The following AK9 variants were observed in gnomAD, a reference collection of about 807,000 sequenced individuals.
AK9 encodes adenylate kinase 9.
In AK9, 191 loss-of-function variants were observed where a neutral mutation model predicts 239.6. The ratio of observed to expected loss-of-function variants is 0.80; its 90% CI spans 0.71 to 0.90. The LOEUF (loss-of-function observed/expected upper bound fraction) is 0.90. AK9 is among the 40% of genes least tolerant of loss of function. The pLI is 0.00. For synonymous variants in AK9, 689 were observed against 721.0 expected (o/e 0.96, Z 0.71); for missense variants, 1,995 against 2,214.7 (o/e 0.90, Z 1.99).
chr6:109,586,067 C>T lies in AK9; in HGVS notation c.1848G>A (p.Met616Ile). 4 of 1,549,634 alleles carry T rather than the reference C, an allele frequency of 2.6e-6. No individual in the cohort carries two copies. In the South Asian group the frequency reaches 3.6e-5, roughly 14 times the overall value. Reference sequence around the variant, plus strand: ...CAGGAAACCTATCCTTGTTTTCTTCCATTACCTGTGAAAAATTGTACACTG... The same window carrying T: ...CAGGAAACCTATCCTTGTTTTCTTCTATTACCTGTGAAAAATTGTACACTG... ...EILQEVLGEV[M>I]EENKDRFPGA... is the part of the protein sequence containing the mutation. The change falls in exon 18 of 41, where the codon ATG becomes ATA. Residue 616 changes from methionine to isoleucine, a missense_variant. Transcript: ENST00000424296.
chr6:109,506,476 C>A lies in AK9; in HGVS notation c.4700G>T (p.Gly1567Val), dbSNP rs1778131878. 4.3e-6 allele frequency: 7 copies of A among 1,613,486 alleles called. No individual in the cohort carries two copies. The highest frequency in any genetic ancestry group is 1.1e-5 in the South Asian group (1 of 91,046). ...VNNVKYRKNI[G>V]EIRQYYQEQH... ...TTCTTGATAATATTGCCTAATCTCACCAATATTTTTGCGATACTTTACATT... is the reference window on the plus strand; with the variant it reads ...TTCTTGATAATATTGCCTAATCTCAACAATATTTTTGCGATACTTTACATT... Residue 1567 changes from glycine to valine, a missense_variant, in exon 35 of 41, where the codon GGT (glycine) becomes GTT (valine). Transcript: ENST00000424296.
At position 109,633,256 on chromosome 6, in the gene AK9, T is replaced by G. The variant is rs1449182187; in HGVS notation, c.1001A>C (p.Lys334Thr). The change falls in exon 11 of 41, where the codon AAA (lysine) becomes ACA (threonine). Residue 334 changes from lysine to threonine, a missense_variant. Lys to Thr is a moderately conservative substitution (Grantham distance 78). This residue lies in a region of AK9 where 1,290 missense variants were observed against 1,392.7 expected (regional missense o/e 0.93). Coordinates refer to ENST00000424296, the MANE Select transcript of AK9 (RefSeq NM_001145128.3). ...ATTCACAGGACATGTACGTCCCCAT[T>G]TACTTCTTTGCCATCTGTATCTTGG... ...IAPRYRWQRS[K>T]WGRTCPVNLK... 2 of 1,610,320 alleles carry G rather than the reference T, an allele frequency of 1.2e-6. No homozygotes were observed. Among genetic ancestry groups the G allele is most frequent in the Non-Finnish European group, 1.7e-6 (2 of 1,179,358 alleles).
intron 12 of AK9, among the ~76,000 whole-genome samples, chr6:109,620,965 C>G (rs547503100): frequency 6.6e-6 from 1 of 151,872 alleles, no homozygotes; most frequent in Non-Finnish European, 1.5e-5. Context: ...CATGCATATC[C>G]TTTGAACTGT....
intron 19 of AK9, 37 bp from the exon 20 acceptor site, chr6:109,579,663 A>G: frequency 6.6e-7 from 1 of 1,510,622 alleles, no homozygotes; most frequent in Non-Finnish European, 9.0e-7. Context: ...TATCTTTGGA[A>G]ATTCAGACTT....
At chr6:109,581,097 T>TA (rs1337948413) in intron 19 of AK9, among the ~76,000 whole-genome samples, 1 of 152,092 alleles carries the variant, frequency 6.6e-6, no homozygotes, top group Non-Finnish European at 1.5e-5. Flanking sequence ...ACTTAATTGA[T>TA]AGATGCTGTG....
intron 35 of AK9, among the ~76,000 whole-genome samples, chr6:109,505,687 A>AT (rs2128104235): frequency 6.6e-6 from 1 of 152,314 alleles, no homozygotes; most frequent in African/African-American, 2.4e-5. Context: ...TCCAAACACT[A>AT]TATACCCTTT....
intron 27 of AK9, among the ~76,000 whole-genome samples, chr6:109,540,909 C>T (rs889498677): frequency 1.3e-5 from 2 of 152,130 alleles, no homozygotes; most frequent in African/African-American, 4.8e-5. Flanking sequence ...TCTGAATGCC[C>T]TTCTGGAATT....
chr6:109,532,280 T>A, intron 28 of AK9, among the ~76,000 whole-genome samples: 1 of 152,216 alleles, frequency 6.6e-6, no homozygotes, highest in Non-Finnish European at 1.5e-5. Flanking sequence ...TGAAATATAC[T>A]TTCCCTGTAC....
At chr6:109,574,692 C>T (rs1787840775) in intron 20 of AK9, among the ~76,000 whole-genome samples, 1 of 151,762 alleles carries the variant, frequency 6.6e-6, no homozygotes, top group Admixed American at 6.6e-5. Flanking sequence ...TTTTTTTTAA[C>T]ATCTGTCTTA....
intron 5 of AK9, among the ~76,000 whole-genome samples, chr6:109,664,879 A>G (rs12207793): frequency 0.58 from 88,361 of 151,696 alleles, 27,405 homozygotes; most frequent in East Asian, 0.84. Context: ...CTAAAAAAAA[A>G]AAATACAAAA....
Position 109,691,140 on chromosome 6 carries a change from TC to T in AK9, c.-12+6del. ...TTTCTCCGCCCATGTTTTCCTCCAA[TC>T]CTTACCAAAGATGGTGCCCTTCGCT... On this transcript the variant is annotated splice_donor_region_variant and intron_variant, in intron 1 of 40. Coordinates refer to ENST00000424296, the MANE Select transcript of AK9 (RefSeq NM_001145128.3). 1 of 554,158 alleles carries T rather than the reference TC, an allele frequency of 1.8e-6. No homozygotes were observed. The highest frequency in any genetic ancestry group is 2.2e-5 in the South Asian group (1 of 45,572). The allele number at this position is 554,158 out of a possible 1,614,324, so 34.3% of individuals were successfully genotyped here. A position where few individuals can be genotyped will look rare whatever the true frequency, so the allele number is the denominator to read the frequency against.
chr6:109,515,095 T>C (rs1779141590), intron 31 of AK9, among the ~76,000 whole-genome samples: 2 of 152,220 alleles, frequency 1.3e-5, no homozygotes, highest in South Asian at 4.1e-4. Flanking sequence ...ACCTTGATCT[T>C]GAACTTTTAG....
chr6:109,597,117 T>C (rs1052684901), intron 17 of AK9, among the ~76,000 whole-genome samples: 1 of 152,172 alleles, frequency 6.6e-6, no homozygotes, highest in Admixed American at 6.5e-5. Context: ...CCAAATATTA[T>C]ATATTTCTTC....
intron 28 of AK9, among the ~76,000 whole-genome samples, chr6:109,533,022 C>T (rs1170700751): frequency 6.6e-6 from 1 of 152,252 alleles, no homozygotes; most frequent in East Asian, 1.9e-4. Context: ...CTTGGCAGTA[C>T]CACTACCTTT....
chr6:109,670,912 C>A (rs369140715), intron 5 of AK9, among the ~76,000 whole-genome samples: 1 of 151,868 alleles, frequency 6.6e-6, no homozygotes, highest in Non-Finnish European at 1.5e-5. Flanking sequence ...TACAGAGAAA[C>A]CTTATCTACT....
chr6:109,517,156 A>G (rs1275930793), intron 29 of AK9, among the ~76,000 whole-genome samples: 1 of 151,980 alleles, frequency 6.6e-6, no homozygotes, highest in African/African-American at 2.4e-5. Flanking sequence ...TGCTTCTTTC[A>G]AAGGGTCTGT....
intron 31 of AK9, 56 bp from the exon 32 acceptor site, chr6:109,514,493 C>T (rs1779069608): frequency 7.2e-7 from 1 of 1,380,906 alleles, no homozygotes; most frequent in Non-Finnish European, 9.7e-7. Context: ...ACAGCACTTC[C>T]CTGAAACATA....
chr6:109,516,197 G>T, intron 30 of AK9, 122 bp from the exon 31 acceptor site: 2 of 987,942 alleles, frequency 2.0e-6, no homozygotes, highest in Non-Finnish European at 2.9e-6. Flanking sequence ...ATATTTTTCA[G>T]CTTCCAAGTG....
intron 5 of AK9, among the ~76,000 whole-genome samples, chr6:109,664,589 T>C (rs1800904864): frequency 6.6e-6 from 1 of 151,960 alleles, no homozygotes; most frequent in Non-Finnish European, 1.5e-5. Flanking sequence ...CACGCCCGGC[T>C]AATTTTTGTA....
Sources: gnomAD v4.1 joint callset for allele counts (sites outside exome capture counted in the v4.1 genomes callset) on GRCh38, gnomAD v4.1.1 for gene constraint, gnomAD v4.1.1 regional missense constraint, MANE v1.5 for transcripts, NCBI Gene and HGNC (gene_info 2026-07-23, HGNC 2026-07-21) for gene names.